Variants in OTOF observed in about 807,000 individuals in gnomAD.
The protein encoded by OTOF is otoferlin, also known as fer-1-like family member 2.
In OTOF, 218 loss-of-function variants were observed where a neutral mutation model predicts 236.8. The observed-to-expected ratio is 0.92, with a 90% confidence interval of 0.82 to 1.03. OTOF has a LOEUF of 1.03. Ranked by LOEUF, OTOF falls within the 50% of genes least tolerant of loss-of-function variation. The pLI, the probability that OTOF is intolerant of heterozygous loss-of-function variation, is 0.00. For missense variants in OTOF, 2,590 were observed against 2,694.4 expected (o/e 0.96, Z 0.86); for synonymous variants, 1,041 against 1,072.5 (o/e 0.97, Z 0.57).
At chr2:26,523,296 C>T (rs746693627) in intron 3 of OTOF, among the ~76,000 whole-genome samples, 12 of 152,326 alleles carry the variant, frequency 7.9e-5, no homozygotes, top group South Asian at 2.1e-4. Context: ...TTGTTCCAAA[C>T]GGGGCCAAGC....
chr2:26,547,506 G>A (rs1207473233), intron 1 of OTOF, among the ~76,000 whole-genome samples: 2 of 152,186 alleles, frequency 1.3e-5, no homozygotes, highest in Non-Finnish European at 2.9e-5. Flanking sequence ...TTTTCTGAAA[G>A]AGTTTGTGTA....
Position 26,482,468 on chromosome 2 carries a change from T to C in OTOF, c.1517A>G (p.Asn506Ser). Residue 506 changes from asparagine (N) to serine (S), a missense_variant, in exon 14 of 47, where the codon AAC becomes AGC. Asn to Ser is a conservative substitution (Grantham distance 46, BLOSUM62 1). Around this residue, in one of 2 missense-constraint regions of OTOF, gnomAD observed 1,379 missense variants for 1,341.6 expected, o/e 1.03. Coordinates refer to ENST00000272371, the MANE Select transcript of OTOF (RefSeq NM_194248.3). The stretch of plus-strand genomic sequence containing the variant: ...GAAGTGGGTGCCGATGGCCACGTCG[T>C]TGACCTTGTCCGAGTCTCGGATCTG... ...KVQIRDSDKV[N>S]DVAIGTHFID... 2 of 1,613,398 alleles carry C rather than the reference T, an allele frequency of 1.2e-6. No individual in the cohort carries two copies. Among genetic ancestry groups the C allele is most frequent in the Non-Finnish European group, 1.7e-6 (2 of 1,180,026 alleles).
At chr2:26,539,237 T>C (rs1667153229) in intron 1 of OTOF, among the ~76,000 whole-genome samples, 1 of 152,180 alleles carries the variant, frequency 6.6e-6, no homozygotes, top group Non-Finnish European at 1.5e-5. Flanking sequence ...GAAGGGGTTG[T>C]AATTTCTGTG....
intron 5 of OTOF, among the ~76,000 whole-genome samples, chr2:26,511,810 T>G (rs1041468120): frequency 1.4e-4 from 21 of 152,188 alleles, no homozygotes; most frequent in African/African-American, 4.1e-4. Flanking sequence ...CTGCTGCAAC[T>G]CTGGGGCTCA....
intron 11 of OTOF, among the ~76,000 whole-genome samples, chr2:26,488,861 C>T (rs1665763766): frequency 1.3e-5 from 2 of 152,220 alleles, no homozygotes; most frequent in Admixed American, 1.3e-4. Flanking sequence ...TGACGGGTCT[C>T]CCTCACCGCA....
rs572124395 is a variant in OTOF, at chr2:26,485,307, T to A, written c.1046-674A>T. 8.5e-5 allele frequency among the ~76,000 whole-genome samples: 13 copies of A among 152,342 alleles called. No individual in the cohort carries two copies. In the South Asian group the frequency reaches 2.7e-3, roughly 32 times the overall value. ...CTACTCATTTTGCTCAAGTCTCTCC[T>A]CCTCCATGCAGCCCTCCCTGACTTC... is the stretch of plus-strand genomic sequence containing the variant. On this transcript the variant is annotated intron_variant, in intron 11 of 46. Coordinates refer to ENST00000272371, the MANE Select transcript of OTOF (RefSeq NM_194248.3).
intron 2 of OTOF, among the ~76,000 whole-genome samples, chr2:26,536,970 A>G (rs13011610): frequency 0.4 from 60,421 of 151,878 alleles, 13,299 homozygotes; most frequent in Admixed American, 0.54. Context: ...CCGGCCAGGT[A>G]CCGAGGGGAA....
chr2:26,558,521 G>A lies in OTOF; in HGVS notation c.51C>T (p.Gly17=), dbSNP rs142333075. ...GGAAAGTCACTTTGGCGATCCGGTC[G>A]CCCCTGCCCCGCAGCTCCGAGACTG... The part of the protein sequence containing the change: ...LKTVSELRGR[G]DRIAKVTFRG... The change falls in exon 1 of 47, where the codon GGC becomes GGT. Residue 17 remains glycine, a synonymous_variant. Transcript: ENST00000272371. 867 of 1,613,968 alleles carry A rather than the reference G, an allele frequency of 5.4e-4. 8 individuals are homozygous for A. The African/African-American group carries it at 8.5e-3, about 16-fold the overall frequency.
intron 5 of OTOF, 80 bp downstream of exon 5, chr2:26,516,338 G>C: frequency 7.5e-7 from 1 of 1,336,116 alleles, no homozygotes. Context: ...GCCTAGAGAG[G>C]CCTGTCAGTA....
chr2:26,463,937 C>G (rs1032608578), intron 40 of OTOF, 27 bp downstream of exon 40: 1 of 1,613,572 alleles, frequency 6.2e-7, no homozygotes, highest in African/African-American at 1.3e-5. Flanking sequence ...TACCCAAGAA[C>G]CCCAGTCTTG....
intron 5 of OTOF, among the ~76,000 whole-genome samples, chr2:26,513,587 GGTGAGACACTGCTGC>G (rs1164358027): frequency 6.6e-6 from 1 of 152,206 alleles, no homozygotes; most frequent in Non-Finnish European, 1.5e-5. Context: ...CAAGATGGCC[GGTGAGACACTGCTGC>G]TTGCCAGCAA....
chr2:26,487,774 C>A (rs979947960), intron 11 of OTOF, among the ~76,000 whole-genome samples: 4 of 152,224 alleles, frequency 2.6e-5, no homozygotes, highest in African/African-American at 9.6e-5. Flanking sequence ...CCAGTCATTC[C>A]AAGCAAGTAG....
chr2:26,514,912 G>A (rs1440012544), intron 5 of OTOF, among the ~76,000 whole-genome samples: 3 of 152,276 alleles, frequency 2.0e-5, no homozygotes, highest in African/African-American at 7.2e-5. Flanking sequence ...GGAGACAGTC[G>A]AGGAGGACCA....
intron 1 of OTOF, among the ~76,000 whole-genome samples, chr2:26,541,086 A>G (rs1667202869): frequency 6.6e-6 from 1 of 152,178 alleles, no homozygotes; most frequent in South Asian, 2.1e-4. Flanking sequence ...TGCATCCTAG[A>G]AGATTTTAAT....
chr2:26,536,660 T>C lies in OTOF; in HGVS notation c.138+1056A>G, dbSNP rs554405932. 4.6e-5 allele frequency among the ~76,000 whole-genome samples: 7 copies of C among 152,238 alleles called. No homozygotes were observed. In the South Asian group the frequency reaches 1.2e-3, roughly 27 times the overall value. On this transcript the variant is annotated intron_variant, in intron 2 of 46. Transcript: ENST00000272371. ...CTCAGCCGAACGCCAGCAGCCAACC[T>C]CAAGAGGCACAGTCTGCTATGAGGC...
Position 26,471,161 on chromosome 2 carries a change from A to G in OTOF, c.3865-11T>C. 1 of 1,614,048 alleles carries G rather than the reference A, an allele frequency of 6.2e-7. No individual in the cohort carries two copies. The highest frequency in any genetic ancestry group is 1.6e-4 in the Middle Eastern group (1 of 6,062). On this transcript the variant is annotated splice_polypyrimidine_tract_variant and intron_variant, in intron 30 of 46. Coordinates refer to ENST00000272371, the MANE Select transcript of OTOF (RefSeq NM_194248.3). Reference sequence around the variant, plus strand: ...AACAGCTTCAGAAGTCTGCAGAGGAACCAAGGAGACAGGGGCAGAATCAGC... The same window carrying G: ...AACAGCTTCAGAAGTCTGCAGAGGAGCCAAGGAGACAGGGGCAGAATCAGC...
rs150497386 is a variant in OTOF at position 26,476,945 on chromosome 2, G to A, written c.2622C>T (p.Ile874=). 265 of 1,611,020 alleles carry A rather than the reference G, an allele frequency of 1.6e-4. No homozygotes were observed. Among genetic ancestry groups the A allele is most frequent in the Non-Finnish European group, 2.0e-4 (239 of 1,179,314 alleles). Residue 874 remains isoleucine (I), a synonymous_variant, in exon 22 of 47, where the codon ATC becomes ATT. Transcript: ENST00000272371. ...AGTCCTTGCCAGTCTCCTCCTCCAC[G>A]ATGGAGAAGAGCAGGTCCTTGGAGG... ...RVPSKDLLFS[I]VEEETGKDCA... is the part of the protein sequence containing the mutation.
At chr2:26,547,923 T>C (rs542013910) in intron 1 of OTOF, among the ~76,000 whole-genome samples, 1 of 152,242 alleles carries the variant, frequency 6.6e-6, no homozygotes, top group Non-Finnish European at 1.5e-5. Context: ...AGGAAGTTTA[T>C]TGTCATCATC....
chr2:26,474,795 C>T lies in OTOF; in HGVS notation c.3127-121G>A. On this transcript the variant is annotated intron_variant, in intron 25 of 46. Coordinates refer to ENST00000272371, the MANE Select transcript of OTOF (RefSeq NM_194248.3). ...GGACAGGTGTGATCACCCCATTTTACAGATGAGGAAACCAAGTCTCAGGGC... is the reference window on the plus strand; with the variant it reads ...GGACAGGTGTGATCACCCCATTTTATAGATGAGGAAACCAAGTCTCAGGGC... 4 of 1,135,690 alleles carry T rather than the reference C, an allele frequency of 3.5e-6. No homozygotes were observed. The South Asian group carries it at 5.1e-5, about 15-fold the overall frequency. The allele number at this position is 1,135,690 out of a possible 1,614,324, so 70.4% of individuals were successfully genotyped here. A position where few individuals can be genotyped will look rare whatever the true frequency, so the allele number is the denominator to read the frequency against.
Sources: allele counts gnomAD v4.1 joint callset (sites outside exome capture counted in the v4.1 genomes callset), GRCh38; gene constraint gnomAD v4.1.1; regional missense constraint gnomAD v4.1.1; transcripts MANE v1.5; gene names NCBI Gene and HGNC (gene_info 2026-07-23, HGNC 2026-07-21).